RIMBP2: variants seen among roughly 807,000 people sequenced by gnomAD.
RIMBP2 encodes the protein RIMS-binding protein 2.
Under a neutral mutation model 118.6 loss-of-function variants are expected in RIMBP2, and 48 were observed. That is an observed-to-expected ratio of 0.40 (90% confidence interval 0.32 to 0.51). The LOEUF is 0.51. RIMBP2 is among the 20% of genes least tolerant of loss of function. The pLI, the probability that RIMBP2 is intolerant of heterozygous loss-of-function variation, is 0.41. For synonymous variants in RIMBP2, 762 were observed against 742.9 expected (o/e 1.03, Z -0.42); for missense variants, 1,551 against 1,768.3 (o/e 0.88, Z 2.20).
intron 2 of RIMBP2, among the ~76,000 whole-genome samples, chr12:130,529,823 G>C (rs780166805): frequency 6.6e-6 from 1 of 152,030 alleles, no homozygotes; most frequent in Non-Finnish European, 1.5e-5. Flanking sequence ...TTCTCATAAG[G>C]AGTGTGCAAA....
intron 1 of RIMBP2, among the ~76,000 whole-genome samples, chr12:130,691,875 T>G (rs2065322520): frequency 6.6e-6 from 1 of 152,128 alleles, no homozygotes; most frequent in Admixed American, 6.5e-5. Context: ...GACTGTGCTT[T>G]CCTTGTGGAG....
intron 1 of RIMBP2, among the ~76,000 whole-genome samples, chr12:130,656,765 C>T (rs560519432): frequency 1.2e-3 from 189 of 152,240 alleles, no homozygotes; most frequent in Middle Eastern, 3.4e-3. Flanking sequence ...TCTCATTAGC[C>T]GGGTGTGGTG....
At chr12:130,590,947 G>A (rs1371340872) in intron 2 of RIMBP2, among the ~76,000 whole-genome samples, 1 of 152,158 alleles carries the variant, frequency 6.6e-6, no homozygotes. Context: ...GTGCAGCCAG[G>A]GGAAAGCGGG....
intron 2 of RIMBP2, among the ~76,000 whole-genome samples, chr12:130,521,069 T>C (rs1441257424): frequency 6.6e-6 from 1 of 151,948 alleles, no homozygotes; most frequent in East Asian, 1.9e-4. Flanking sequence ...TTGCAGGCCT[T>C]GGGGGGGAAA....
intron 2 of RIMBP2, among the ~76,000 whole-genome samples, chr12:130,533,633 C>A (rs1350999492): frequency 1.3e-5 from 2 of 152,136 alleles, no homozygotes; most frequent in Non-Finnish European, 1.5e-5. Context: ...ACACTATTCA[C>A]AATAGCAAAG....
Position 130,446,487 on chromosome 12 carries a change from C to T in RIMBP2, c.582-1218G>A, listed in dbSNP as rs2078532603. ...CTGACCCGTCCTGCGCAGTTTTAAC[C>T]ACACCAGGTCACGTGGCCCCTCATG... On this transcript the variant is annotated intron_variant, in intron 9 of 22. Coordinates refer to ENST00000690449, the MANE Select transcript of RIMBP2 (RefSeq NM_001393629.1). This position sits in a 1 kb window ranked among gnomAD's most constrained non-coding sequence, Gnocchi z 4.1. 2.6e-5 allele frequency among the ~76,000 whole-genome samples: 4 copies of T among 152,182 alleles called. No individual in the cohort carries two copies. In the South Asian group the frequency reaches 8.3e-4, roughly 32 times the overall value.
intron 1 of RIMBP2, among the ~76,000 whole-genome samples, chr12:130,653,743 C>G (rs971078729): frequency 2.2e-4 from 34 of 152,234 alleles, no homozygotes; most frequent in African/African-American, 8.0e-4. Flanking sequence ...AGCCACCAAG[C>G]CTCCTTCATG....
Position 130,591,906 on chromosome 12 carries a change from T to C in RIMBP2, c.-217+36416A>G, listed in dbSNP as rs11830341. On this transcript the variant is annotated intron_variant, in intron 2 of 22. Coordinates refer to ENST00000690449, the MANE Select transcript of RIMBP2 (RefSeq NM_001393629.1). ...ACTCAAAGTTAACTGTGCATTTGCA[T>C]CTTATCTGACAGCCTGGATGGCTGC... Among the ~76,000 whole-genome samples the C allele has an allele frequency of 5.9e-3, 904 of 152,322 alleles. 13 individuals carry two copies. The highest frequency in any genetic ancestry group is 0.021 in the African/African-American group (857 of 41,580).
chr12:130,541,357 T>C (rs1260575656), intron 2 of RIMBP2, among the ~76,000 whole-genome samples: 3 of 152,240 alleles, frequency 2.0e-5, no homozygotes, highest in African/African-American at 7.2e-5. Context: ...TTCTTAGTGG[T>C]GTCTACAGGT....
chr12:130,462,903 A>G (rs1014928542), intron 6 of RIMBP2, among the ~76,000 whole-genome samples: 3 of 152,230 alleles, frequency 2.0e-5, no homozygotes, highest in African/African-American at 7.2e-5. Flanking sequence ...GGTGTGGAAC[A>G]GGGGCACAGC....
At chr12:130,592,936 C>A (rs992339522) in intron 2 of RIMBP2, among the ~76,000 whole-genome samples, 3 of 152,188 alleles carry the variant, frequency 2.0e-5, no homozygotes, top group Non-Finnish European at 4.4e-5. Flanking sequence ...GCCTCATCTT[C>A]CATACTGTCA....
intron 1 of RIMBP2, among the ~76,000 whole-genome samples, chr12:130,709,286 A>G (rs547912231): frequency 2.6e-4 from 39 of 152,258 alleles, no homozygotes; most frequent in African/African-American, 9.4e-4. Context: ...CGCTGCATCC[A>G]CCCTTCCCAC....
rs924804288 is a variant in RIMBP2 at position 130,620,824 on chromosome 12, G to A, written c.-217+7498C>T. Among the ~76,000 whole-genome samples the A allele has an allele frequency of 8.5e-5, 13 of 152,116 alleles. No individual in the cohort carries two copies. The highest frequency in any genetic ancestry group is 2.9e-5 in the Non-Finnish European group (2 of 68,032). On this transcript the variant is annotated intron_variant, in intron 2 of 22. Transcript: ENST00000690449. This position sits in a 1 kb window ranked among gnomAD's most constrained non-coding sequence, Gnocchi z 5.3. ...GTAAGATCACATTTTGAGGGGGCTG[G>A]GCCTCCAACATTCTTTTTGTAGGGA...
intron 11 of RIMBP2, among the ~76,000 whole-genome samples, chr12:130,439,980 T>G (rs754695875): frequency 5.6e-4 from 85 of 151,604 alleles, no homozygotes; most frequent in South Asian, 1.7e-3. Context: ...TGTGTGTGTG[T>G]GGGGTGTGTG....
chr12:130,659,725 C>G (rs1198446695), intron 1 of RIMBP2, among the ~76,000 whole-genome samples: 1 of 152,100 alleles, frequency 6.6e-6, no homozygotes, highest in African/African-American at 2.4e-5. Context: ...GTAATCCCAG[C>G]ATTTTGGGAG....
chr12:130,466,057 TC>T (rs2080449281), intron 6 of RIMBP2: 2 of 152,160 alleles, frequency 1.3e-5, no homozygotes, highest in South Asian at 4.2e-4. Context: ...TGTCTTGGTT[TC>T]CCCCAGACAT....
At chr12:130,406,671 G>A (rs1405640342) in intron 20 of RIMBP2, among the ~76,000 whole-genome samples, 1 of 152,188 alleles carries the variant, frequency 6.6e-6, no homozygotes, top group African/African-American at 2.4e-5. Flanking sequence ...TATTGAGACA[G>A]AATCTCACTG....
At chr12:130,570,575 TTGG>T (rs1335917193) in intron 2 of RIMBP2, among the ~76,000 whole-genome samples, 1 of 152,200 alleles carries the variant, frequency 6.6e-6, no homozygotes. Flanking sequence ...AGGACAGACC[TTGG>T]CTAGACTGCC....
At chr12:130,527,025 T>C (rs1301808519) in intron 2 of RIMBP2, among the ~76,000 whole-genome samples, 1 of 152,086 alleles carries the variant, frequency 6.6e-6, no homozygotes, top group African/African-American at 2.4e-5. Context: ...AGGGTCCTGA[T>C]GGTCACTGAG....
Sources: gnomAD v4.1 joint callset for allele counts (sites outside exome capture counted in the v4.1 genomes callset) on GRCh38, gnomAD v4.1.1 for gene constraint, Gnocchi (gnomAD v3.1) non-coding constraint, MANE v1.5 for transcripts, NCBI Gene and HGNC (gene_info 2026-07-23, HGNC 2026-07-21) for gene names.